Variants in SORCS2 observed in about 807,000 individuals in gnomAD.
SORCS2 encodes sortilin related VPS10 domain containing receptor 2, also known as VPS10 domain-containing receptor SorCS2.
Under a neutral mutation model 141.6 loss-of-function variants are expected in SORCS2, and 100 were observed. The ratio of observed to expected loss-of-function variants is 0.71; its 90% CI spans 0.60 to 0.83. SORCS2 has a LOEUF of 0.83. Ranked by LOEUF, SORCS2 falls within the 40% of genes least tolerant of loss-of-function variation. SORCS2 has a pLI of 0.00. For synonymous variants in SORCS2, 789 were observed against 676.9 expected (o/e 1.17, Z -2.57); for missense variants, 1,646 against 1,560.2 (o/e 1.05, Z -0.93).
intron 11 of SORCS2, among the ~76,000 whole-genome samples, chr4:7,690,818 A>T (rs1466219039): frequency 6.6e-6 from 1 of 152,230 alleles, no homozygotes; most frequent in Non-Finnish European, 1.5e-5. Context: ...CAAGTATACA[A>T]CTAGCACTTT....
chr4:7,389,772 G>A (rs896309525), intron 1 of SORCS2, among the ~76,000 whole-genome samples: 21 of 152,338 alleles, frequency 1.4e-4, no homozygotes, highest in East Asian at 9.7e-4. Context: ...CCTGCGGGGT[G>A]GGTGACAGAG....
chr4:7,437,099 A>G (rs1727356365), intron 2 of SORCS2, among the ~76,000 whole-genome samples: 1 of 152,030 alleles, frequency 6.6e-6, no homozygotes, highest in African/African-American at 2.4e-5. Context: ...TCTGACACCA[A>G]CTACCTGGAG....
intron 1 of SORCS2, among the ~76,000 whole-genome samples, chr4:7,387,767 CACAT>C (rs1339246529): frequency 1.0e-5 from 1 of 98,816 alleles, no homozygotes; most frequent in African/African-American, 5.9e-5. Context: ...CAGAAATACA[CACAT>C]GCACACACAC....
chr4:7,266,026 C>G (rs888329568), intron 1 of SORCS2, among the ~76,000 whole-genome samples: 8 of 152,220 alleles, frequency 5.3e-5, no homozygotes, highest in African/African-American at 1.9e-4. Context: ...TCCCTGTTCT[C>G]CTTTCCCGGC....
intron 4 of SORCS2, among the ~76,000 whole-genome samples, chr4:7,649,007 C>T (rs56395113): frequency 0.049 from 7,470 of 152,106 alleles, 455 homozygotes; most frequent in African/African-American, 0.15. Context: ...GAGGGTGTGG[C>T]GGACGAAGGC....
chr4:7,482,992 G>T (rs866608441), intron 2 of SORCS2, among the ~76,000 whole-genome samples: 23 of 152,306 alleles, frequency 1.5e-4, no homozygotes, highest in Middle Eastern at 3.4e-3. Context: ...ACTGGAGCAG[G>T]GTGGGCCCTA....
intron 3 of SORCS2, among the ~76,000 whole-genome samples, chr4:7,587,638 C>G (rs1254410127): frequency 6.6e-6 from 1 of 152,222 alleles, no homozygotes; most frequent in Admixed American, 6.5e-5. Context: ...TAGTCCCCAA[C>G]TCTGGCACCC....
intron 1 of SORCS2, among the ~76,000 whole-genome samples, chr4:7,246,791 T>C (rs1488670140): frequency 2.0e-5 from 3 of 152,188 alleles, no homozygotes; most frequent in Non-Finnish European, 4.4e-5. Flanking sequence ...GCTTTGGATG[T>C]GGAGTGTGCA....
intron 1 of SORCS2, among the ~76,000 whole-genome samples, chr4:7,338,232 GA>G: frequency 6.8e-6 from 1 of 147,624 alleles, no homozygotes; most frequent in African/African-American, 2.5e-5. Context: ...ATGGATGTCG[GA>G]TGGAAGGATG....
intron 1 of SORCS2, among the ~76,000 whole-genome samples, chr4:7,288,793 G>T (rs1489842696): frequency 7.9e-6 from 1 of 125,878 alleles, no homozygotes; most frequent in Non-Finnish European, 1.8e-5. Flanking sequence ...ATGTGGGGTG[G>T]GGGGGGGAGT....
At chr4:7,341,886 A>C (rs1402023583) in intron 1 of SORCS2, among the ~76,000 whole-genome samples, 2 of 152,154 alleles carry the variant, frequency 1.3e-5, no homozygotes, top group African/African-American at 4.8e-5. Flanking sequence ...GCAGCCACCA[A>C]GCTGCTTTCT....
rs572075781 is a variant in SORCS2 at position 7,201,851 on chromosome 4, C to T, written c.480+8725C>T. Among the ~76,000 whole-genome samples the T allele has an allele frequency of 2.0e-5, 3 of 152,246 alleles. No individual in the cohort carries two copies. Among genetic ancestry groups the T allele is most frequent in the African/African-American group, 4.8e-5 (2 of 41,544 alleles). ...CTGTGCTGCAGCTGCTGTTCCTGAC[C>T]GACGTCCTCCCCTTTTGGAAGTCCA... is the stretch of plus-strand genomic sequence containing the variant. On this transcript the variant is annotated intron_variant, in intron 1 of 26. Transcript: ENST00000507866. The surrounding 1 kb of genome is among the most constrained non-coding windows in gnomAD (Gnocchi z 4.4).
Position 7,245,737 on chromosome 4 carries a change from C to G in SORCS2, c.480+52611C>G, listed in dbSNP as rs907372185. On this transcript the variant is annotated intron_variant, in intron 1 of 26. Transcript: ENST00000507866. Reference sequence around the variant, plus strand: ...GGGCAAGCGCTTGGTGAGTGTAGAACTGAAATCAGTGACCCTCTGCTGGGT... The same window carrying G: ...GGGCAAGCGCTTGGTGAGTGTAGAAGTGAAATCAGTGACCCTCTGCTGGGT... 2.0e-5 allele frequency among the ~76,000 whole-genome samples: 3 copies of G among 152,194 alleles called. No homozygotes were observed. In the South Asian group the frequency reaches 6.2e-4, roughly 31 times the overall value.
rs374239743 is a variant in SORCS2, at chr4:7,726,833, C to A, written c.2799C>A (p.Asp933Glu). Residue 933 changes from aspartate (D) to glutamate (E), a missense_variant, in exon 21 of 27, where the codon GAC becomes GAA. Transcript: ENST00000507866. Reference sequence around the variant, plus strand: ...CAACGCGGTTTTCGGACACGGGCGACGTGCGTGTGACGGTGCAGGCCGCCT... The same window carrying A: ...CAACGCGGTTTTCGGACACGGGCGAAGTGCGTGTGACGGTGCAGGCCGCCT... ...SVTTRFSDTG[D>E]VRVTVQAACG... 1.2e-6 allele frequency: 2 copies of A among 1,613,834 alleles called. No individual in the cohort carries two copies. The highest frequency in any genetic ancestry group is 1.6e-4 in the Middle Eastern group (1 of 6,062).
intron 1 of SORCS2, among the ~76,000 whole-genome samples, chr4:7,216,031 A>C (rs1459000683): frequency 6.6e-6 from 1 of 151,904 alleles, no homozygotes; most frequent in East Asian, 1.9e-4. Context: ...AAATCTTGCT[A>C]CTGCTCACTC....
chr4:7,371,781 G>T (rs1248514634), intron 1 of SORCS2, among the ~76,000 whole-genome samples: 1 of 152,234 alleles, frequency 6.6e-6, no homozygotes, highest in African/African-American at 2.4e-5. Flanking sequence ...TCAGCTCGCT[G>T]TGGGTCCCTC....
rs147181532 is a variant in SORCS2, at chr4:7,348,573, T to C, written c.481-47715T>C. 9.6e-3 allele frequency among the ~76,000 whole-genome samples: 1,467 copies of C among 152,324 alleles called. 19 individuals carry two copies. Among genetic ancestry groups the C allele is most frequent in the African/African-American group, 0.032 (1,333 of 41,578 alleles). ...TGTTGTTGTTTTTTGTATTTTGAGA[T>C]GGAGTTTCACTCTTGTTGCCCAGGC... On this transcript the variant is annotated intron_variant, in intron 1 of 26. Coordinates refer to ENST00000507866, the MANE Select transcript of SORCS2 (RefSeq NM_020777.3).
chr4:7,371,690 C>CTA (rs1722258583), intron 1 of SORCS2, among the ~76,000 whole-genome samples: 1 of 152,178 alleles, frequency 6.6e-6, no homozygotes, highest in African/African-American at 2.4e-5. Context: ...TGTGGATGAA[C>CTA]TGAGCTGCCG....
chr4:7,662,433 A>G (rs1197987856), intron 6 of SORCS2, among the ~76,000 whole-genome samples: 1 of 152,108 alleles, frequency 6.6e-6, no homozygotes, highest in East Asian at 1.9e-4. Context: ...GCACCCTGCC[A>G]GCCACCTCTG....
Sources: allele counts gnomAD v4.1 joint callset (sites outside exome capture counted in the v4.1 genomes callset), GRCh38; gene constraint gnomAD v4.1.1; non-coding constraint Gnocchi (gnomAD v3.1); transcripts MANE v1.5; gene names NCBI Gene and HGNC (gene_info 2026-07-23, HGNC 2026-07-21).